The following PAK3 variants were observed in gnomAD, a reference collection of about 807,000 sequenced individuals.
PAK3 encodes the protein p21 (RAC1) activated kinase 3, also known as serine/threonine-protein kinase PAK 3.
PAK3 carries 4 observed loss-of-function variants against 41.0 expected under a neutral mutation model. The ratio of observed to expected loss-of-function variants is 0.10; its 90% CI spans 0.05 to 0.22. PAK3 has a LOEUF of 0.22. PAK3 is among the 10% of genes least tolerant of loss of function. PAK3 has a pLI of 1.00. For missense variants in PAK3, 205 were observed against 409.9 expected (o/e 0.50, Z 4.32); for synonymous variants, 146 against 139.6 (o/e 1.05, Z -0.32).
chrX:111,129,210 G>A (rs947942821), intron 5 of PAK3, among the ~76,000 whole-genome samples: 21 of 111,645 alleles, frequency 1.9e-4, no homozygotes, highest in African/African-American at 6.5e-4. Flanking sequence ...ATAACAGTAT[G>A]CAGTCTTTCT....
chrX:111,067,695 A>C (rs2092711777), intron 1 of PAK3, among the ~76,000 whole-genome samples: 1 of 111,941 alleles, frequency 8.9e-6, no homozygotes, highest in African/African-American at 3.2e-5. Flanking sequence ...AAATTTGCTA[A>C]TGTTAAACTA....
chrX:111,114,009 C>A (rs1447915832), intron 4 of PAK3, among the ~76,000 whole-genome samples: 1 of 112,269 alleles, frequency 8.9e-6, no homozygotes, highest in African/African-American at 3.2e-5. Flanking sequence ...CCACATTTTT[C>A]TTAATCCAGT....
intron 1 of PAK3, among the ~76,000 whole-genome samples, chrX:110,962,073 A>G (rs939957238): frequency 8.9e-6 from 1 of 111,920 alleles, no homozygotes; most frequent in Non-Finnish European, 1.9e-5. Context: ...CAGCAATTTT[A>G]TGCATGCCTT....
At chrX:111,028,001 G>GTGTGTGTATATATATACATATATATA (rs780630460) in intron 1 of PAK3, among the ~76,000 whole-genome samples, 5 of 96,199 alleles carry the variant, frequency 5.2e-5, no homozygotes, top group Admixed American at 2.4e-4. Context: ...ATATGTGTGT[G>GTGTGTGTATATATATACATATATATA]TGTGTATATA....
At chrX:110,958,599 A>G (rs370898140) in intron 1 of PAK3, among the ~76,000 whole-genome samples, 16 of 111,861 alleles carry the variant, frequency 1.4e-4, no homozygotes, top group African/African-American at 3.9e-4. Context: ...TAGCTTGAAT[A>G]ACGTGATGAA....
chrX:111,162,853 A>G (rs1049327496), intron 8 of PAK3, 62 bp from the exon 9 acceptor site: 2 of 1,024,619 alleles, frequency 2.0e-6, no homozygotes, highest in South Asian at 3.8e-5. Context: ...CCCTTGTTTT[A>G]TTTCTGAAGA....
intron 3 of PAK3, among the ~76,000 whole-genome samples, chrX:111,100,843 A>G (rs2093119789): frequency 9.0e-6 from 1 of 111,319 alleles, no homozygotes; most frequent in Admixed American, 9.5e-5. Flanking sequence ...TTGGGTATGT[A>G]CAAGATGTGT....
chrX:111,087,753 AAAAAAAAAAAAAC>A (rs937438527), intron 1 of PAK3, among the ~76,000 whole-genome samples: 1 of 4,598 alleles, frequency 2.2e-4, no homozygotes, highest in African/African-American at 2.3e-4. Flanking sequence ...CAGGGACTGC[AAAAAAAAAAAAAC>A]AAAAAAAAAA....
chrX:111,171,550 C>T (rs985011686), intron 10 of PAK3, among the ~76,000 whole-genome samples: 1 of 111,434 alleles, frequency 9.0e-6, no homozygotes, highest in Non-Finnish European at 1.9e-5. Context: ...GAGTGATGGA[C>T]TGGATTTTTT....
At chrX:111,188,420 T>G (rs1253170375) in intron 11 of PAK3, among the ~76,000 whole-genome samples, 2 of 110,835 alleles carry the variant, frequency 1.8e-5, no homozygotes, top group Non-Finnish European at 3.8e-5. Context: ...TCCCAATTTA[T>G]TTGTTTAATA....
intron 1 of PAK3, among the ~76,000 whole-genome samples, chrX:111,021,020 C>T (rs376640869): frequency 8.1e-4 from 90 of 111,600 alleles, no homozygotes; most frequent in African/African-American, 2.6e-3. Flanking sequence ...TAAGGAGAGG[C>T]GGAGCTCAGA....
intron 1 of PAK3, among the ~76,000 whole-genome samples, chrX:111,025,250 C>G (rs1320963385): frequency 9.0e-6 from 1 of 110,673 alleles, no homozygotes; most frequent in Non-Finnish European, 1.9e-5. Flanking sequence ...GAAACAAGAA[C>G]AACCCAAACC....
At chrX:111,118,377 G>A (rs144188386) in intron 4 of PAK3, among the ~76,000 whole-genome samples, 1 of 110,503 alleles carries the variant, frequency 9.0e-6, no homozygotes. Flanking sequence ...TATGCCTTTG[G>A]TTAAAAGAGA....
intron 1 of PAK3, among the ~76,000 whole-genome samples, chrX:110,983,681 GC>G (rs1225460527): frequency 9.0e-6 from 1 of 111,282 alleles, no homozygotes; most frequent in Non-Finnish European, 1.9e-5. Context: ...ATTTTCCAGA[GC>G]CCCCCACGCA....
At chrX:111,144,392 G>A (rs2093915323) in intron 6 of PAK3, among the ~76,000 whole-genome samples, 1 of 111,868 alleles carries the variant, frequency 8.9e-6, no homozygotes, top group South Asian at 3.7e-4. Context: ...TCTTAAAGAT[G>A]CCAAATTCTG....
intron 1 of PAK3, among the ~76,000 whole-genome samples, chrX:110,963,981 A>T (rs2091033230): frequency 8.9e-6 from 1 of 112,282 alleles, no homozygotes; most frequent in Admixed American, 9.4e-5. Context: ...CATCCGAATC[A>T]TCTGAAGTTA....
intron 10 of PAK3, among the ~76,000 whole-genome samples, chrX:111,166,474 A>AT (rs2094256842): frequency 1.8e-5 from 2 of 110,501 alleles, no homozygotes; most frequent in Non-Finnish European, 3.8e-5. Flanking sequence ...TAAATTTTTT[A>AT]TTTTTTGTAC....
intron 1 of PAK3, among the ~76,000 whole-genome samples, chrX:110,990,210 T>C (rs2091618308): frequency 9.0e-6 from 1 of 111,497 alleles, no homozygotes; most frequent in African/African-American, 3.3e-5. Flanking sequence ...ACTGTAAAAA[T>C]GAGAAAAATA....
chrX:111,002,217 C>A (rs766068242), intron 1 of PAK3, among the ~76,000 whole-genome samples: 12 of 111,626 alleles, frequency 1.1e-4, no homozygotes, highest in Non-Finnish European at 1.9e-4. Flanking sequence ...TTAGCCCTCA[C>A]AATAACACCA....
Sources: gnomAD v4.1 joint callset for allele counts (sites outside exome capture counted in the v4.1 genomes callset) on GRCh38, gnomAD v4.1.1 for gene constraint, MANE v1.5 for transcripts, NCBI Gene and HGNC (gene_info 2026-07-23, HGNC 2026-07-21) for gene names.